SLC24A2: variants seen among roughly 807,000 people sequenced by gnomAD.
The protein encoded by SLC24A2 is solute carrier family 24 member 2, also known as sodium/potassium/calcium exchanger 2.
SLC24A2 carries 36 observed loss-of-function variants against 62.0 expected under a neutral mutation model. The observed-to-expected ratio is 0.58, with a 90% CI of 0.44 to 0.77. The LOEUF is 0.77. SLC24A2 is among the 30% of genes least tolerant of loss of function. The probability of loss-of-function intolerance (pLI) is 0.00; values close to 1 mark genes in which losing one functional copy is unlikely to be tolerated. For synonymous variants in SLC24A2, 358 were observed against 294.0 expected (o/e 1.22, Z -2.23); for missense variants, 846 against 817.9 (o/e 1.03, Z -0.42).
chr9:19,820,980 A>T, the SLC24A2 span, among the ~76,000 whole-genome samples: 1 of 152,176 alleles, frequency 6.6e-6, no homozygotes, highest in Non-Finnish European at 1.5e-5. Context: ...TTTTTCTAAG[A>T]TGTTATATTT....
chr9:20,018,570 A>G, the SLC24A2 span, among the ~76,000 whole-genome samples: 2 of 151,936 alleles, frequency 1.3e-5, no homozygotes, highest in Non-Finnish European at 1.5e-5. Flanking sequence ...TCACTTGTCT[A>G]TATTTTCCTA....
the SLC24A2 span, among the ~76,000 whole-genome samples, chr9:20,007,879 C>CTTTT: frequency 8.3e-3 from 330 of 39,542 alleles, 135 homozygotes; most frequent in African/African-American, 0.024. Flanking sequence ...TTACTCCTCT[C>CTTTT]TTTTTTTTTT....
the SLC24A2 span, among the ~76,000 whole-genome samples, chr9:19,855,202 C>G: frequency 1.3e-5 from 2 of 152,062 alleles, no homozygotes; most frequent in African/African-American, 4.8e-5. Context: ...TAAGATGGGT[C>G]TCTTGAATAC....
At chr9:19,753,308 G>A (rs371192452) in intron 2 of SLC24A2, among the ~76,000 whole-genome samples, 2 of 152,334 alleles carry the variant, frequency 1.3e-5, no homozygotes, top group East Asian at 1.9e-4. Context: ...CAGCATTTGT[G>A]AAACTGGATT....
At chr9:19,568,061 T>C (rs900924877) in intron 7 of SLC24A2, among the ~76,000 whole-genome samples, 3 of 152,222 alleles carry the variant, frequency 2.0e-5, no homozygotes, top group African/African-American at 4.8e-5. Flanking sequence ...TGTATGGGGC[T>C]CATAATTTCC....
At chr9:20,023,888 C>G in the SLC24A2 span, among the ~76,000 whole-genome samples, 1 of 152,084 alleles carries the variant, frequency 6.6e-6, no homozygotes, top group East Asian at 1.9e-4. Context: ...ATATGTTTTC[C>G]GAAGAATTAA....
intron 3 of SLC24A2, among the ~76,000 whole-genome samples, chr9:19,620,221 C>T (rs112394974): frequency 1.3e-5 from 2 of 152,172 alleles, no homozygotes; most frequent in African/African-American, 4.8e-5. Flanking sequence ...CCCATATCTG[C>T]ATAGATACAC....
At chr9:20,107,842 A>G in the SLC24A2 span, among the ~76,000 whole-genome samples, 1 of 152,164 alleles carries the variant, frequency 6.6e-6, no homozygotes, top group African/African-American at 2.4e-5. Context: ...AAAATTGACA[A>G]ATGGGATCTA....
intron 10 of SLC24A2, 68 bp downstream of exon 10, chr9:19,520,826 C>T (rs1052619494): frequency 1.3e-6 from 2 of 1,492,288 alleles, no homozygotes; most frequent in African/African-American, 1.4e-5. Flanking sequence ...TCATGTCTTT[C>T]CAGCTTCTAA....
At chr9:20,051,408 T>C in the SLC24A2 span, among the ~76,000 whole-genome samples, 439 of 152,078 alleles carry the variant, frequency 2.9e-3, 1 homozygote, top group African/African-American at 9.9e-3. Flanking sequence ...ACTGGGACAT[T>C]TTATATATCT....
intron 2 of SLC24A2, among the ~76,000 whole-genome samples, chr9:19,707,259 A>T (rs1426002564): frequency 1.3e-5 from 2 of 152,242 alleles, no homozygotes; most frequent in Non-Finnish European, 2.9e-5. Context: ...TTGTGGCAAT[A>T]ATCAATAGCT....
At chr9:20,031,351 TTATATATATATA>T in the SLC24A2 span, among the ~76,000 whole-genome samples, 3 of 141,642 alleles carry the variant, frequency 2.1e-5, no homozygotes, top group East Asian at 4.1e-4. Flanking sequence ...TACACACACT[TTATATATATATA>T]TATATATATA....
chr9:19,889,490 T>C, the SLC24A2 span, among the ~76,000 whole-genome samples: 1 of 148,592 alleles, frequency 6.7e-6, no homozygotes, highest in Non-Finnish European at 1.5e-5. Context: ...TAGGCCTCCA[T>C]TCATGCTTAG....
chr9:19,775,151 G>T (rs761381150), intron 2 of SLC24A2, among the ~76,000 whole-genome samples: 3 of 152,176 alleles, frequency 2.0e-5, no homozygotes, highest in Non-Finnish European at 4.4e-5. Context: ...CTGGCGCCCA[G>T]ATCCTTTCCA....
the SLC24A2 span, among the ~76,000 whole-genome samples, chr9:20,062,668 G>T: frequency 7.5e-6 from 1 of 134,190 alleles, no homozygotes; most frequent in South Asian, 2.6e-4. Flanking sequence ...AAGAGCTTCT[G>T]CACAGCAAAA....
At chr9:20,203,526 C>G in the SLC24A2 span, among the ~76,000 whole-genome samples, 1 of 152,166 alleles carries the variant, frequency 6.6e-6, no homozygotes, top group African/African-American at 2.4e-5. Flanking sequence ...CTCTCCCTTA[C>G]TAACAGTCCA....
the SLC24A2 span, among the ~76,000 whole-genome samples, chr9:20,100,879 G>C: frequency 6.6e-6 from 1 of 152,210 alleles, no homozygotes; most frequent in South Asian, 2.1e-4. Context: ...ATCTTGGAAA[G>C]AAGCAAATTT....
chr9:19,693,648 A>T (rs1276823356), intron 2 of SLC24A2, among the ~76,000 whole-genome samples: 2 of 152,140 alleles, frequency 1.3e-5, no homozygotes, highest in Admixed American at 6.6e-5. Flanking sequence ...CAAGACTGAT[A>T]AGCACTAAAG....
intron 2 of SLC24A2, among the ~76,000 whole-genome samples, chr9:19,773,684 G>T (rs1177811860): frequency 2.6e-5 from 4 of 152,264 alleles, no homozygotes; most frequent in Middle Eastern, 3.4e-3. Context: ...TACTGCAAAT[G>T]GGACCAGTTA....
Sources: gnomAD v4.1 joint callset for allele counts (sites outside exome capture counted in the v4.1 genomes callset) on GRCh38, gnomAD v4.1.1 for gene constraint, MANE v1.5 for transcripts, NCBI Gene and HGNC (gene_info 2026-07-23, HGNC 2026-07-21) for gene names.